The following RNF157 variants were observed in gnomAD, a reference collection of about 807,000 sequenced individuals.
The protein encoded by RNF157 is ring finger protein 157, also known as E3 ubiquitin ligase RNF157.
RNF157 carries 55 observed loss-of-function variants against 88.3 expected under a neutral mutation model. The observed-to-expected ratio is 0.62, with a 90% confidence interval of 0.50 to 0.78. The LOEUF is 0.78. Among genes scored for constraint, RNF157 ranks in the 30% least tolerant of loss-of-function variants. The probability of loss-of-function intolerance (pLI) is 0.00; values close to 1 mark genes in which losing one functional copy is unlikely to be tolerated. For synonymous variants in RNF157, 334 were observed against 341.2 expected, an observed-to-expected ratio of 0.98 and a Z score of 0.23; for missense variants, 788 against 860.8, an observed-to-expected ratio of 0.92 and a Z score of 1.06.
In RNF157 at chr17:76,148,261, C is replaced by CTTTT. The variant is rs56231427; in HGVS notation, c.1922-2912_1922-2909dup. Among the ~76,000 whole-genome samples the CTTTT allele has an allele frequency of 4.8e-3, 586 of 121,144 alleles. 16 individuals are homozygous for CTTTT. Among genetic ancestry groups the CTTTT allele is most frequent in the African/African-American group, 0.017 (526 of 30,840 alleles). 79.5% of individuals were successfully genotyped at this position (121,144 alleles called of 152,430 possible). A position where few individuals can be genotyped will look rare whatever the true frequency, so the allele number is the denominator to read the frequency against. The stretch of plus-strand genomic sequence containing the variant: ...CTAAAAAGATCCAAATTATCTTTGC[C>CTTTT]TTTTTTTTTTTTTTTTTTTTTGAGA... On this transcript the variant is annotated intron_variant, in intron 18 of 18. Transcript: ENST00000269391.
intron 2 of RNF157, among the ~76,000 whole-genome samples, chr17:76,188,690 T>C (rs1427121533): frequency 6.6e-6 from 1 of 152,208 alleles, no homozygotes; most frequent in Non-Finnish European, 1.5e-5. Flanking sequence ...ACAAACATTC[T>C]CTTATGCTAG....
intron 2 of RNF157, among the ~76,000 whole-genome samples, chr17:76,182,379 C>T (rs192471726): frequency 2.0e-5 from 3 of 152,054 alleles, no homozygotes; most frequent in Admixed American, 2.0e-4. Flanking sequence ...ATGAAATTGC[C>T]AGACCATGCC....
chr17:76,209,910 C>A (rs1466911505), intron 2 of RNF157, among the ~76,000 whole-genome samples: 1 of 152,162 alleles, frequency 6.6e-6, no homozygotes. Context: ...CAGGCTCACA[C>A]CACCACGCCC....
intron 1 of RNF157, among the ~76,000 whole-genome samples, chr17:76,227,533 G>C (rs1307430799): frequency 6.6e-6 from 1 of 152,096 alleles, no homozygotes; most frequent in Non-Finnish European, 1.5e-5. Flanking sequence ...TTTTATAGAA[G>C]AGGAAACTAA....
intron 3 of RNF157, among the ~76,000 whole-genome samples, chr17:76,172,573 C>T (rs972805870): frequency 7.6e-6 from 1 of 132,378 alleles, no homozygotes; most frequent in Non-Finnish European, 1.5e-5. Flanking sequence ...TGCCATTGCA[C>T]TCCAGCCTGG....
At chr17:76,172,362 C>T (rs953105961) in intron 3 of RNF157, among the ~76,000 whole-genome samples, 1 of 151,814 alleles carries the variant, frequency 6.6e-6, no homozygotes, top group East Asian at 1.9e-4. Flanking sequence ...GAGGCTGAGA[C>T]GGGCAGATCA....
At chr17:76,233,368 G>A (rs1297323557) in intron 1 of RNF157, among the ~76,000 whole-genome samples, 3 of 152,082 alleles carry the variant, frequency 2.0e-5, no homozygotes, top group Non-Finnish European at 4.4e-5. Flanking sequence ...TTTTGAGGTG[G>A]TAATGTTTTT....
rs1187948514 is a variant in RNF157, at chr17:76,146,357, A to C, written c.1922-1004T>G. 16 of 985,324 alleles carry C rather than the reference A, an allele frequency of 1.6e-5. No homozygotes were observed. Among genetic ancestry groups the C allele is most frequent in the Admixed American group, 1.2e-4 (2 of 16,270 alleles). The allele number at this position is 985,324 out of a possible 1,614,324, so 61.0% of individuals were successfully genotyped here. Reference sequence around the variant, plus strand: ...GCGTTGGTGAGTATCTGACTCCTAGAATAGCCTGTGCTCAGGCTCCTCCAG... The same window carrying C: ...GCGTTGGTGAGTATCTGACTCCTAGCATAGCCTGTGCTCAGGCTCCTCCAG... On this transcript the variant is annotated intron_variant, in intron 18 of 18. Coordinates refer to ENST00000269391, the MANE Select transcript of RNF157 (RefSeq NM_052916.3). The surrounding 1 kb of genome is among the most constrained non-coding windows in gnomAD (Gnocchi z 4.2).
intron 8 of RNF157, 132 bp downstream of exon 8, chr17:76,164,616 A>G (rs1395693680): frequency 1.9e-6 from 1 of 526,202 alleles, no homozygotes; most frequent in Non-Finnish European, 3.2e-6. Context: ...TTGATTAAAA[A>G]AAAAAAAAGA....
rs986165344 is a variant in RNF157, at chr17:76,182,861, T to C, written c.208-9071A>G. On this transcript the variant is annotated intron_variant, in intron 2 of 18. Coordinates refer to ENST00000269391, the MANE Select transcript of RNF157 (RefSeq NM_052916.3). ...TGATATATAGGATATATAGGATATA[T>C]ATATCCTATATATCATAATAATATG... 5.5e-4 allele frequency among the ~76,000 whole-genome samples: 80 copies of C among 144,172 alleles called. 1 individual carries two copies. Among genetic ancestry groups the C allele is most frequent in the African/African-American group, 6.1e-4 (23 of 37,988 alleles). The allele number at this position is 144,172 out of a possible 152,430, so 94.6% of individuals were successfully genotyped here. A position where few individuals can be genotyped will look rare whatever the true frequency, so the allele number is the denominator to read the frequency against.
chr17:76,184,148 G>T (rs2069243043), intron 2 of RNF157, among the ~76,000 whole-genome samples: 1 of 147,730 alleles, frequency 6.8e-6, no homozygotes, highest in Admixed American at 6.8e-5. Flanking sequence ...CCAAGATAGT[G>T]CCACTGTACT....
chr17:76,169,434 T>C (rs1377109959), intron 3 of RNF157, among the ~76,000 whole-genome samples: 3 of 152,142 alleles, frequency 2.0e-5, no homozygotes, highest in African/African-American at 7.2e-5. Context: ...AGATTTTTTT[T>C]ACTTTATTAT....
intron 1 of RNF157, among the ~76,000 whole-genome samples, chr17:76,237,851 C>T (rs1413682173): frequency 1.3e-5 from 2 of 152,052 alleles, no homozygotes; most frequent in African/African-American, 4.8e-5. Flanking sequence ...GAGGCCGAGG[C>T]AGGCGGATCA....
chr17:76,196,608 A>C (rs545767485), intron 2 of RNF157, among the ~76,000 whole-genome samples: 9 of 152,318 alleles, frequency 5.9e-5, no homozygotes, highest in African/African-American at 1.9e-4. Flanking sequence ...CAAGGGCCGA[A>C]GTATGTACGG....
At chr17:76,206,292 A>G (rs535927663) in intron 2 of RNF157, among the ~76,000 whole-genome samples, 1 of 152,164 alleles carries the variant, frequency 6.6e-6, no homozygotes, top group Non-Finnish European at 1.5e-5. Context: ...TAAGCCTCTA[A>G]TAACTTAGAG....
In RNF157 at chr17:76,161,819, T is replaced by A. The variant is rs933460776; in HGVS notation, c.952+24A>T. 2 of 1,608,196 alleles carry A rather than the reference T, an allele frequency of 1.2e-6. No individual in the cohort carries two copies. Among genetic ancestry groups the A allele is most frequent in the African/African-American group, 2.7e-5 (2 of 74,752 alleles). The stretch of plus-strand genomic sequence containing the variant: ...TCTTGTCCCCTCTCCCACCCACCAG[T>A]CCCCCTGCCGCTCTGGGGCTTACGC... On this transcript the variant is annotated intron_variant, in intron 10 of 18. Transcript: ENST00000269391. The surrounding 1 kb of genome is among the most constrained non-coding windows in gnomAD (Gnocchi z 4.6).
At chr17:76,188,837 G>A (rs984892697) in intron 2 of RNF157, among the ~76,000 whole-genome samples, 5 of 152,132 alleles carry the variant, frequency 3.3e-5, no homozygotes, top group African/African-American at 4.8e-5. Flanking sequence ...TGTACCACCC[G>A]GACCATGTAA....
intron 16 of RNF157, among the ~76,000 whole-genome samples, 192 bp downstream of exon 16, chr17:76,155,060 G>T (rs1002017351): frequency 3.3e-5 from 5 of 152,202 alleles, no homozygotes; most frequent in Admixed American, 2.0e-4. Context: ...CCCACTCACT[G>T]GACAGTCCAC....
chr17:76,229,514 C>T (rs938541230), intron 1 of RNF157, among the ~76,000 whole-genome samples: 9 of 152,256 alleles, frequency 5.9e-5, no homozygotes, highest in Non-Finnish European at 1.3e-4. Context: ...CCTTCCCATA[C>T]TCAACTCCCA....
Sources: allele counts gnomAD v4.1 joint callset (sites outside exome capture counted in the v4.1 genomes callset), GRCh38; gene constraint gnomAD v4.1.1; non-coding constraint Gnocchi (gnomAD v3.1); transcripts MANE v1.5; gene names NCBI Gene and HGNC (gene_info 2026-07-23, HGNC 2026-07-21).